The following KIF18B variants were observed in gnomAD, a reference collection of about 807,000 sequenced individuals.
The protein encoded by KIF18B is kinesin family member 18B.
KIF18B carries 49 observed loss-of-function variants against 80.9 expected under a neutral mutation model. That is an observed-to-expected ratio of 0.61 (90% CI 0.48 to 0.77). KIF18B has a LOEUF of 0.77. Ranked by LOEUF, KIF18B falls within the 30% of genes least tolerant of loss-of-function variation. The pLI, the probability that KIF18B is intolerant of heterozygous loss-of-function variation, is 0.00. For missense variants in KIF18B, 994 were observed against 1,127.7 expected (o/e 0.88, Z 1.70); for synonymous variants, 439 against 463.9 (o/e 0.95, Z 0.69).
At chr17:44,933,861 AC>A in intron 7 of KIF18B, 61 bp downstream of exon 7, 1 of 1,471,332 alleles carries the variant, frequency 6.8e-7, no homozygotes, top group Non-Finnish European at 9.1e-7. Context: ...CCTGGGTCCC[AC>A]CCTTTCCTGC....
In KIF18B at chr17:44,934,628, G is replaced by C. The variant is rs557187234; in HGVS notation, c.577-11C>G. The C allele has an allele frequency of 1.3e-6, 2 of 1,586,682 alleles. No individual in the cohort carries two copies. Among genetic ancestry groups the C allele is most frequent in the South Asian group, 2.3e-5 (2 of 86,796 alleles). On this transcript the variant is annotated splice_polypyrimidine_tract_variant and intron_variant, in intron 4 of 15. Transcript: ENST00000593135. The surrounding 1 kb of genome is among the most constrained non-coding windows in gnomAD (Gnocchi z 5.4). ...CTCGGCTGAGGCTGGCTACAGAGGAGAAGCCCAGGAACGGGGCTGTGGGTT... is the reference window on the plus strand; with the variant it reads ...CTCGGCTGAGGCTGGCTACAGAGGACAAGCCCAGGAACGGGGCTGTGGGTT...
chr17:44,939,398 A>G (rs2052374919), intron 1 of KIF18B, among the ~76,000 whole-genome samples: 1 of 149,212 alleles, frequency 6.7e-6, no homozygotes, highest in African/African-American at 2.5e-5. Flanking sequence ...AAAAAGAAAC[A>G]TGAATTTGTT....
At chr17:44,932,024 C>G in intron 10 of KIF18B, 32 bp downstream of exon 10, 1 of 1,583,528 alleles carries the variant, frequency 6.3e-7, no homozygotes, top group African/African-American at 1.3e-5. Context: ...CAAGCCCTCC[C>G]GATACCCAGG....
At chr17:44,940,757 G>T (rs922865674) in intron 1 of KIF18B, among the ~76,000 whole-genome samples, 4 of 152,102 alleles carry the variant, frequency 2.6e-5, no homozygotes, top group African/African-American at 9.7e-5. Flanking sequence ...AGAAAAGTGG[G>T]GTTTCTACCT....
chr17:44,936,286 C>G lies in KIF18B; in HGVS notation c.59G>C (p.Arg20Pro). Residue 20 changes from arginine to proline, a missense_variant, in exon 2 of 16, where the codon CGG (arginine) becomes CCG (proline). Transcript: ENST00000593135. ...VVVRVRPPTP[R>P]ELDSQRRPVV... ...TGGCCGCCGCTGACTGTCCAGCTCC[C>G]GAGGGGTGGGGGGCCGCACCCGTAC... The G allele has an allele frequency of 6.2e-7, 1 of 1,610,778 alleles. No individual in the cohort carries two copies. Among genetic ancestry groups the G allele is most frequent in the East Asian group, 2.2e-5 (1 of 44,806 alleles).
intron 1 of KIF18B, among the ~76,000 whole-genome samples, chr17:44,940,026 C>A (rs1467752996): frequency 1.3e-5 from 2 of 152,140 alleles, no homozygotes; most frequent in Non-Finnish European, 2.9e-5. Flanking sequence ...AGCGATCCAC[C>A]CGCCTTGGCC....
At position 44,928,899 on chromosome 17, in the gene KIF18B, A is replaced by AT. The variant is rs2052089013; in HGVS notation, c.1642dup (p.Ile548AsnfsTer2). 2 of 1,613,732 alleles carry AT rather than the reference A, an allele frequency of 1.2e-6. No homozygotes were observed. Among genetic ancestry groups the AT allele is most frequent in the South Asian group, 1.1e-5 (1 of 91,090 alleles). ...CCTCAAGGCCTCTGCCCCAGGCTCA[A>AT]TTTTTTCCTCTTGCACCAGCTGCTG... On this transcript the variant is annotated frameshift_variant, in exon 12 of 16. Coordinates refer to ENST00000593135, the MANE Select transcript of KIF18B (RefSeq NM_001265577.2). LOFTEE classifies it high-confidence loss of function.
In KIF18B at chr17:44,936,623, TA is replaced by T. The variant is rs1190423467; in HGVS notation, c.-14-266del. ...CTATATATATATATATATATATATA[TA>T]TTTTTTTTTTTTTTTTTTTTTTTTT... On this transcript the variant is annotated intron_variant, in intron 1 of 15. Coordinates refer to ENST00000593135, the MANE Select transcript of KIF18B (RefSeq NM_001265577.2). Among the ~76,000 whole-genome samples the T allele has an allele frequency of 7.5e-4, 38 of 50,474 alleles. 1 individual carries two copies. The highest frequency in any genetic ancestry group is 1.1e-3 in the African/African-American group (11 of 9,932). The allele number at this position is 50,474 out of a possible 152,430, so 33.1% of individuals were successfully genotyped here. A position where few individuals can be genotyped will look rare whatever the true frequency, so the allele number is the denominator to read the frequency against.
intron 1 of KIF18B, among the ~76,000 whole-genome samples, chr17:44,947,013 G>C (rs1038349090): frequency 1.2e-4 from 17 of 147,712 alleles, no homozygotes; most frequent in Non-Finnish European, 2.4e-4. Flanking sequence ...GAAGGCTGAG[G>C]TAGGAGAATC....
Position 44,928,254 on chromosome 17 carries a change from G to T in KIF18B, c.2048C>A (p.Pro683His). Residue 683 changes from proline (P) to histidine (H), a missense_variant, in exon 13 of 16, where the codon CCC (proline) becomes CAC (histidine). By Grantham distance (77) the Pro-to-His change is moderately conservative (BLOSUM62 -2). Coordinates refer to ENST00000593135, the MANE Select transcript of KIF18B (RefSeq NM_001265577.2). ...TGGGCAAACGCGAGGGGAATGGCAG[G>T]GGGAGGAGGCCCTTTCTCCTTTGGG... ...STPKGERASS[P>H]CHSPRVCPAT... 6.2e-7 allele frequency: 1 copy of T among 1,613,620 alleles called. No homozygotes were observed. Among genetic ancestry groups the T allele is most frequent in the Non-Finnish European group, 8.5e-7 (1 of 1,179,776 alleles).
intron 11 of KIF18B, among the ~76,000 whole-genome samples, chr17:44,930,800 A>G (rs1439705888): frequency 6.6e-6 from 1 of 151,992 alleles, no homozygotes; most frequent in African/African-American, 2.4e-5. Context: ...GATCAGGGGG[A>G]TGTCGCACCA....
chr17:44,932,744 C>G lies in KIF18B; in HGVS notation c.1167G>C (p.Val389=), dbSNP rs762545347. 1 of 1,613,306 alleles carries G rather than the reference C, an allele frequency of 6.2e-7. No homozygotes were observed. The highest frequency in any genetic ancestry group is 1.3e-5 in the African/African-American group (1 of 74,894). Residue 389 remains valine (V), a synonymous_variant, in exon 9 of 16, where the codon GTG becomes GTC. Transcript: ENST00000593135. ...EVAALRKKLQ[V]YEGGGQPPPQ... Reference sequence around the variant, plus strand: ...GTGGGGGCTGGCCTCCCCCCTCATACACTTGGAGCTTCTTCCTCAGAGCGG... The same window carrying G: ...GTGGGGGCTGGCCTCCCCCCTCATAGACTTGGAGCTTCTTCCTCAGAGCGG...
In KIF18B at chr17:44,934,110, G is replaced by A. The variant is rs375991397; in HGVS notation, c.886-11C>T. The A allele has an allele frequency of 2.5e-5, 40 of 1,611,462 alleles. No homozygotes were observed. Among genetic ancestry groups the A allele is most frequent in the Middle Eastern group, 1.6e-4 (1 of 6,078 alleles). The stretch of plus-strand genomic sequence containing the variant: ...ATGGGTCTTGCGGCCCTGGGGGGCA[G>A]TAAGCAGGTGTGGGGTGAGGCGACT... On this transcript the variant is annotated splice_polypyrimidine_tract_variant and intron_variant, in intron 6 of 15. Coordinates refer to ENST00000593135, the MANE Select transcript of KIF18B (RefSeq NM_001265577.2). The surrounding 1 kb of genome is among the most constrained non-coding windows in gnomAD (Gnocchi z 5.4).
intron 1 of KIF18B, among the ~76,000 whole-genome samples, chr17:44,939,873 C>A (rs909719279): frequency 6.6e-6 from 1 of 152,072 alleles, no homozygotes; most frequent in African/African-American, 2.4e-5. Context: ...AGTGCAGTGG[C>A]ACGATCTTGG....
Position 44,933,610 on chromosome 17 carries a change from A to G in KIF18B, c.1062+313T>C, listed in dbSNP as rs559947160. On this transcript the variant is annotated intron_variant, in intron 7 of 15. Coordinates refer to ENST00000593135, the MANE Select transcript of KIF18B (RefSeq NM_001265577.2). Reference sequence around the variant, plus strand: ...TGGGTTCAAGCGATTCTTCTGCCTCAGCCTCCAGAGTAGCTGGGATTACAG... The same window carrying G: ...TGGGTTCAAGCGATTCTTCTGCCTCGGCCTCCAGAGTAGCTGGGATTACAG... Among the ~76,000 whole-genome samples the G allele has an allele frequency of 2.0e-5, 3 of 151,992 alleles. No homozygotes were observed. In the East Asian group the frequency reaches 5.8e-4, roughly 29 times the overall value.
In KIF18B at chr17:44,929,119, G is replaced by C. The variant is rs896664637; in HGVS notation, c.1518-95C>G. ...ACCTGTCCTCATCACTCCAGCTGTG[G>C]TTGAGGAGTCTGAACTGGTCCCCTG... On this transcript the variant is annotated intron_variant, in intron 11 of 15. Transcript: ENST00000593135. 1.4e-5 allele frequency: 16 copies of C among 1,145,524 alleles called. No individual in the cohort carries two copies. In the African/African-American group the frequency reaches 2.4e-4, roughly 17 times the overall value. The allele number at this position is 1,145,524 out of a possible 1,614,324, so 71.0% of individuals were successfully genotyped here.
rs774463542 is a variant in KIF18B, at chr17:44,934,099, C to A, written c.886G>T (p.Gly296Cys). 9 of 1,612,146 alleles carry A rather than the reference C, an allele frequency of 5.6e-6. No individual in the cohort carries two copies. Among genetic ancestry groups the A allele is most frequent in the Non-Finnish European group, 7.6e-6 (9 of 1,179,342 alleles). The change falls in exon 7 of 16, where the codon GGC (glycine) becomes TGC (cysteine). Residue 296 changes from glycine to cysteine, a missense_variant and splice_region_variant. By Grantham distance (159) the Gly-to-Cys change is radical. Coordinates refer to ENST00000593135, the MANE Select transcript of KIF18B (RefSeq NM_001265577.2). This position sits in a 1 kb window ranked among gnomAD's most constrained non-coding sequence, Gnocchi z 5.4. ...CGGTAGGGCACATGGGTCTTGCGGC[C>A]CTGGGGGGCAGTAAGCAGGTGTGGG... ...NVLNALADAK[G>C]RKTHVPYRDS...
chr17:44,934,605 C>T lies in KIF18B; in HGVS notation c.589G>A (p.Glu197Lys), dbSNP rs201690853. 3.5e-5 allele frequency: 56 copies of T among 1,606,458 alleles called. No homozygotes were observed. The highest frequency in any genetic ancestry group is 4.5e-5 in the Non-Finnish European group (53 of 1,176,146). The change falls in exon 5 of 16, where the codon GAG becomes AAG. Residue 197 changes from glutamate (E) to lysine (K), a missense_variant. Glu to Lys is a moderately conservative substitution (Grantham distance 56, BLOSUM62 1). Transcript: ENST00000593135. This position sits in a 1 kb window ranked among gnomAD's most constrained non-coding sequence, Gnocchi z 5.4. The part of the protein sequence containing the change: ...GLSFHQPASA[E>K]QLLEILTRGN... ...CTGGTCAGTATCTCCAGCAGCTGCT[C>T]GGCTGAGGCTGGCTACAGAGGAGAA... is the stretch of plus-strand genomic sequence containing the variant.
intron 10 of KIF18B, 89 bp from the exon 11 acceptor site, chr17:44,931,818 G>T: frequency 6.6e-7 from 1 of 1,519,196 alleles, no homozygotes; most frequent in Non-Finnish European, 8.9e-7. Flanking sequence ...CCTCCTACAA[G>T]AGTGGAAATG....
Sources: allele counts gnomAD v4.1 joint callset (sites outside exome capture counted in the v4.1 genomes callset), GRCh38; gene constraint gnomAD v4.1.1; non-coding constraint Gnocchi (gnomAD v3.1); transcripts MANE v1.5; gene names NCBI Gene and HGNC (gene_info 2026-07-23, HGNC 2026-07-21).